Variants in PRELID2 observed in about 807,000 individuals in gnomAD.
PRELID2 encodes the protein PRELI domain-containing protein 2.
In PRELID2, 25 loss-of-function variants were observed where a neutral mutation model predicts 28.4. The ratio of observed to expected loss-of-function variants is 0.88; its 90% CI spans 0.64 to 1.23. PRELID2 has a LOEUF of 1.23. Among genes scored for constraint, PRELID2 ranks in the 50% most tolerant of loss-of-function variants. The pLI is 0.00. For synonymous variants in PRELID2, 76 were observed against 71.6 expected, an observed-to-expected ratio of 1.06 and a Z score of -0.31; for missense variants, 201 against 214.4, an observed-to-expected ratio of 0.94 and a Z score of 0.39.
chr5:145,631,731 T>C (rs1221834592), intron 1 of PRELID2, among the ~76,000 whole-genome samples: 2 of 152,186 alleles, frequency 1.3e-5, no homozygotes, highest in Non-Finnish European at 2.9e-5. Flanking sequence ...AACTCTATAT[T>C]GTCACCAATA....
chr5:145,538,613 C>G (rs557728477), intron 1 of PRELID2, among the ~76,000 whole-genome samples: 17 of 152,042 alleles, frequency 1.1e-4, no homozygotes, highest in African/African-American at 4.1e-4. Flanking sequence ...CAGAAGGTGT[C>G]TAGCTGTGTG....
Position 145,784,704 on chromosome 5 carries a change from C to T in PRELID2, c.474+11738G>A, listed in dbSNP as rs570482774. Among the ~76,000 whole-genome samples the T allele has an allele frequency of 5.3e-5, 8 of 151,122 alleles. No homozygotes were observed. In the South Asian group the frequency reaches 1.7e-3, roughly 32 times the overall value. On this transcript the variant is annotated intron_variant, in intron 5 of 6. Coordinates refer to ENST00000683046, the MANE Select transcript of PRELID2 (RefSeq NM_205846.3). ...ATGCAGGCATCAAAAATCATGTTTC[C>T]AAGGAATATGTAATGACACAGAAAA...
intron 1 of PRELID2, among the ~76,000 whole-genome samples, chr5:145,634,536 G>A (rs1015718843): frequency 3.3e-5 from 5 of 152,094 alleles, no homozygotes; most frequent in Admixed American, 6.6e-5. Flanking sequence ...CTTTTCACCT[G>A]ATTAACTCCA....
At chr5:145,272,651 G>T in the PRELID2 span, among the ~76,000 whole-genome samples, 6 of 151,972 alleles carry the variant, frequency 3.9e-5, no homozygotes. Flanking sequence ...TACAAAAAGG[G>T]TTATTGAGAC....
At chr5:145,436,776 A>G in the PRELID2 span, among the ~76,000 whole-genome samples, 1 of 152,140 alleles carries the variant, frequency 6.6e-6, no homozygotes, top group African/African-American at 2.4e-5. Flanking sequence ...ACTCACTGAG[A>G]CTAACAGTAG....
At chr5:145,387,647 C>T in the PRELID2 span, among the ~76,000 whole-genome samples, 1 of 152,228 alleles carries the variant, frequency 6.6e-6, no homozygotes, top group South Asian at 2.1e-4. Flanking sequence ...TAAAGACAAA[C>T]TAGGCTGAGC....
chr5:145,764,788 A>G, intron 6 of PRELID2, 143 bp downstream of exon 6: 1 of 634,280 alleles, frequency 1.6e-6, no homozygotes, highest in Non-Finnish European at 2.8e-6. Flanking sequence ...GAAGAGATAA[A>G]ACACCTGTGA....
At chr5:145,377,498 T>C in the PRELID2 span, among the ~76,000 whole-genome samples, 5 of 152,226 alleles carry the variant, frequency 3.3e-5, no homozygotes, top group African/African-American at 4.8e-5. Flanking sequence ...TGTGCAAATC[T>C]AAGTCTTTTT....
At chr5:145,617,122 G>C (rs1172142135) in intron 1 of PRELID2, among the ~76,000 whole-genome samples, 1 of 152,172 alleles carries the variant, frequency 6.6e-6, no homozygotes, top group African/African-American at 2.4e-5. Context: ...GAACATTGCT[G>C]TTATCCTGTT....
At chr5:145,303,518 A>G in the PRELID2 span, among the ~76,000 whole-genome samples, 2,437 of 152,298 alleles carry the variant, frequency 0.016, 27 homozygotes, top group Middle Eastern at 0.034. Context: ...CCAGGCTGGG[A>G]ATCACAGGTT....
At chr5:145,643,333 G>C (rs1180530478) in intron 1 of PRELID2, among the ~76,000 whole-genome samples, 4 of 152,186 alleles carry the variant, frequency 2.6e-5, no homozygotes. Context: ...TGGTGTGTAG[G>C]AATGCTTGTG....
At chr5:145,252,548 A>T in the PRELID2 span, among the ~76,000 whole-genome samples, 1 of 152,158 alleles carries the variant, frequency 6.6e-6, no homozygotes, top group Non-Finnish European at 1.5e-5. Flanking sequence ...AGTACAAAGG[A>T]AGCACTAATA....
chr5:145,823,004 C>CACGT, intron 2 of PRELID2, 73 bp downstream of exon 2: 1 of 827,666 alleles, frequency 1.2e-6, no homozygotes, highest in Non-Finnish European at 2.1e-6. Flanking sequence ...GCCACACACA[C>CACGT]ACGTACACAC....
chr5:145,528,639 T>C (rs564348816), intron 1 of PRELID2, among the ~76,000 whole-genome samples: 71 of 150,742 alleles, frequency 4.7e-4, no homozygotes, highest in African/African-American at 1.6e-3. Flanking sequence ...AAAAGAGCCA[T>C]AGACAATCAA....
At chr5:145,334,239 A>C in the PRELID2 span, among the ~76,000 whole-genome samples, 1 of 152,198 alleles carries the variant, frequency 6.6e-6, no homozygotes, top group Non-Finnish European at 1.5e-5. Flanking sequence ...CATCTGCTAA[A>C]AAATTATTTT....
At chr5:145,492,359 A>C (rs1752277306) in intron 1 of PRELID2, among the ~76,000 whole-genome samples, 1 of 95,688 alleles carries the variant, frequency 1.0e-5, no homozygotes, top group African/African-American at 3.0e-5. Context: ...CCTTTGCAAA[A>C]TTTTTAATCG....
intron 5 of PRELID2, among the ~76,000 whole-genome samples, chr5:145,776,275 A>G (rs1758403840): frequency 6.6e-6 from 1 of 152,270 alleles, no homozygotes; most frequent in Non-Finnish European, 1.5e-5. Context: ...CTGGCCTATT[A>G]GTCACTCTGT....
At chr5:145,346,831 T>A in the PRELID2 span, among the ~76,000 whole-genome samples, 1 of 152,176 alleles carries the variant, frequency 6.6e-6, no homozygotes, top group African/African-American at 2.4e-5. Flanking sequence ...ACTCTGCTTA[T>A]CTTTACATGC....
At chr5:145,310,918 T>C in the PRELID2 span, among the ~76,000 whole-genome samples, 1 of 152,166 alleles carries the variant, frequency 6.6e-6, no homozygotes, top group African/African-American at 2.4e-5. Context: ...ATTTTTCTGT[T>C]ACAAGCCTGA....
Sources: allele counts gnomAD v4.1 joint callset (sites outside exome capture counted in the v4.1 genomes callset), GRCh38; gene constraint gnomAD v4.1.1; transcripts MANE v1.5; gene names NCBI Gene and HGNC (gene_info 2026-07-23, HGNC 2026-07-21).